VWA5A: variants seen among roughly 807,000 people sequenced by gnomAD.
VWA5A encodes the protein von Willebrand factor A domain-containing protein 5A.
In VWA5A, 77 loss-of-function variants were observed where a neutral mutation model predicts 84.6. The observed-to-expected ratio is 0.91, with a 90% confidence interval of 0.76 to 1.10. The LOEUF is 1.10. Ranked by LOEUF, VWA5A falls within the 50% of genes least tolerant of loss-of-function variation. The probability of loss-of-function intolerance (pLI) is 0.00; values close to 1 mark genes in which losing one functional copy is unlikely to be tolerated. For synonymous variants in VWA5A, 334 were observed against 350.1 expected (o/e 0.95, Z 0.51); for missense variants, 973 against 963.0 (o/e 1.01, Z -0.14).
In VWA5A at chr11:124,136,129, G is replaced by A. The variant is rs761565988; in HGVS notation, c.1360G>A (p.Ala454Thr). ...ITGKDRMQSK[A>T]LRTLKRSLQP... ...TATTCTGTTCTCTTCCCCACATTAG[G>A]CTCTCAGGACTCTGAAACGCTCTCT... The change falls in exon 13 of 19, where the codon GCT becomes ACT. Residue 454 changes from alanine to threonine, a missense_variant and splice_region_variant. Coordinates refer to ENST00000456829, the MANE Select transcript of VWA5A (RefSeq NM_001130142.2). The A allele has an allele frequency of 6.2e-7, 1 of 1,613,552 alleles. No homozygotes were observed. Among genetic ancestry groups the A allele is most frequent in the Non-Finnish European group, 8.5e-7 (1 of 1,179,682 alleles).
chr11:124,136,130 C>T lies in VWA5A; in HGVS notation c.1361C>T (p.Ala454Val), dbSNP rs1319391336. Residue 454 changes from alanine to valine, a missense_variant and splice_region_variant, in exon 13 of 19, where the codon GCT becomes GTT. Transcript: ENST00000456829. ...ATTCTGTTCTCTTCCCCACATTAGGCTCTCAGGACTCTGAAACGCTCTCTG... is the reference window on the plus strand; with the variant it reads ...ATTCTGTTCTCTTCCCCACATTAGGTTCTCAGGACTCTGAAACGCTCTCTG... ...ITGKDRMQSKALRTLKRSLQP... is the reference protein window; with the variant it reads ...ITGKDRMQSKVLRTLKRSLQP... The T allele has an allele frequency of 6.2e-7, 1 of 1,613,676 alleles. No individual in the cohort carries two copies. The highest frequency in any genetic ancestry group is 8.5e-7 in the Non-Finnish European group (1 of 1,179,726).
intron 11 of VWA5A, among the ~76,000 whole-genome samples, chr11:124,134,642 C>T (rs1411477245): frequency 6.6e-6 from 1 of 152,146 alleles, no homozygotes; most frequent in Non-Finnish European, 1.5e-5. Flanking sequence ...GTTGCATGAT[C>T]TTGGAAAGAT....
intron 15 of VWA5A, among the ~76,000 whole-genome samples, chr11:124,139,623 A>T (rs1591365986): frequency 6.6e-6 from 1 of 150,412 alleles, no homozygotes; most frequent in East Asian, 1.9e-4. Context: ...AACACTAATG[A>T]CTTTTGTATG....
rs1445542712 is a variant in VWA5A, at chr11:124,118,532, G to T, written c.470-1G>T. 6.2e-7 allele frequency: 1 copy of T among 1,613,920 alleles called. No individual in the cohort carries two copies. On this transcript the variant is annotated splice_acceptor_variant, in intron 5 of 18. Transcript: ENST00000456829. LOFTEE classifies it high-confidence loss of function. ...AACAGAACTAAGGTCATCTTTTATA[G>T]GGTCGTCTAAGGACAGTTGCCTTAA...
At chr11:124,118,035 T>C in intron 4 of VWA5A, 154 bp from the exon 5 acceptor site, 1 of 1,291,556 alleles carries the variant, frequency 7.7e-7, no homozygotes, top group African/African-American at 1.5e-5. Context: ...TTTTCTAAAA[T>C]CATTTGGGGA....
At chr11:124,143,889 A>T (rs1477707735) in intron 17 of VWA5A, among the ~76,000 whole-genome samples, 2 of 152,082 alleles carry the variant, frequency 1.3e-5, no homozygotes, top group Non-Finnish European at 2.9e-5. Flanking sequence ...CAGACCTGGT[A>T]TATCTGAATT....
chr11:124,124,644 G>A (rs1864989584), intron 11 of VWA5A: 1 of 881,540 alleles, frequency 1.1e-6, no homozygotes, highest in Non-Finnish European at 1.4e-6. Context: ...GCATACAACT[G>A]GACTCATTAT....
At chr11:124,139,687 T>G (rs926619527) in intron 15 of VWA5A, among the ~76,000 whole-genome samples, 3 of 104,128 alleles carry the variant, frequency 2.9e-5, no homozygotes, top group South Asian at 3.1e-4. Flanking sequence ...TTAACAGGTG[T>G]TTTTTTTTTG....
At chr11:124,118,943 T>C in intron 6 of VWA5A, 32 bp from the exon 7 acceptor site, 1 of 1,604,406 alleles carries the variant, frequency 6.2e-7, no homozygotes, top group Non-Finnish European at 8.5e-7. Context: ...GTTATGATTC[T>C]AATGTGGCTC....
At chr11:124,139,087 G>A (rs965553986) in intron 15 of VWA5A, among the ~76,000 whole-genome samples, 2 of 152,162 alleles carry the variant, frequency 1.3e-5, no homozygotes, top group Admixed American at 6.5e-5. Flanking sequence ...GGCTGTAAAT[G>A]TGTGGATTTA....
At chr11:124,118,111 T>G in intron 4 of VWA5A, 78 bp from the exon 5 acceptor site, 1 of 1,479,084 alleles carries the variant, frequency 6.8e-7, no homozygotes, top group African/African-American at 1.4e-5. Flanking sequence ...ACAGTCGCTC[T>G]GCACTGCTCG....
intron 18 of VWA5A, 113 bp downstream of exon 18, chr11:124,145,476 TA>T: frequency 7.3e-7 from 1 of 1,377,554 alleles, no homozygotes. Flanking sequence ...AGATCTTTAC[TA>T]ATCTTTCTGC....
rs776243671 is a variant in VWA5A, at chr11:124,118,612, C to G, written c.549C>G (p.Val183=). 1 of 1,614,164 alleles carries G rather than the reference C, an allele frequency of 6.2e-7. No individual in the cohort carries two copies. Among genetic ancestry groups the G allele is most frequent in the Middle Eastern group, 1.6e-4 (1 of 6,062 alleles). The change falls in exon 6 of 19, where the codon GTC becomes GTG. Residue 183 remains valine, a synonymous_variant. Coordinates refer to ENST00000456829, the MANE Select transcript of VWA5A (RefSeq NM_001130142.2). ...ACCTGCCCTACACACTCAGCATGGT[C>G]GCCACCATAGATTCCCAGCATGGCA... ...VEDLPYTLSM[V]ATIDSQHGIE...
chr11:124,135,518 A>ATTTT (rs1865162261), intron 12 of VWA5A, among the ~76,000 whole-genome samples: 14 of 98,078 alleles, frequency 1.4e-4, no homozygotes, highest in South Asian at 3.2e-4. Flanking sequence ...CTCTGGTGGT[A>ATTTT]TTTCTTTTTT....
rs1039991374 is a variant in VWA5A at position 124,146,068 on chromosome 11, G to C, written c.*123G>C. 4 of 1,008,272 alleles carry C rather than the reference G, an allele frequency of 4.0e-6. No individual in the cohort carries two copies. Among genetic ancestry groups the C allele is most frequent in the Non-Finnish European group, 5.7e-6 (4 of 699,198 alleles). The allele number at this position is 1,008,272 out of a possible 1,614,324, so 62.5% of individuals were successfully genotyped here. On this transcript the variant is annotated 3_prime_UTR_variant, in exon 19 of 19. Transcript: ENST00000456829. Reference sequence around the variant, plus strand: ...TTTATTTTTTGCCATAAAAGTAAAGGATGCTTACTCCACTTCGCTTCTCTG... The same window carrying C: ...TTTATTTTTTGCCATAAAAGTAAAGCATGCTTACTCCACTTCGCTTCTCTG...
intron 12 of VWA5A, among the ~76,000 whole-genome samples, chr11:124,135,757 C>T (rs1464577803): frequency 6.6e-6 from 1 of 151,466 alleles, no homozygotes; most frequent in Non-Finnish European, 1.5e-5. Flanking sequence ...GTCTCGATCT[C>T]CTGACCTCGT....
intron 1 of VWA5A, chr11:124,116,277 C>T (rs1864828457): frequency 6.6e-6 from 1 of 152,320 alleles, no homozygotes; most frequent in Non-Finnish European, 1.5e-5. Context: ...TCCTGAGAGA[C>T]AGAACTAATT....
chr11:124,145,433 T>A (rs1395966780), intron 18 of VWA5A, 70 bp downstream of exon 18: 10 of 1,499,760 alleles, frequency 6.7e-6, no homozygotes, highest in Non-Finnish European at 8.9e-6. Flanking sequence ...CACAAGAGAG[T>A]CCCATTGTCA....
intron 14 of VWA5A, 76 bp downstream of exon 14, chr11:124,136,750 T>TTCCCTCCCTCCCTCCC (rs762958600): frequency 1.6e-5 from 13 of 812,140 alleles, no homozygotes; most frequent in African/African-American, 6.7e-5. Context: ...CCTTCCTTCA[T>TTCCCTCCCTCCCTCCC]TCCCTCCCTC....
Sources: gnomAD v4.1 joint callset for allele counts (sites outside exome capture counted in the v4.1 genomes callset) on GRCh38, gnomAD v4.1.1 for gene constraint, MANE v1.5 for transcripts, NCBI Gene and HGNC (gene_info 2026-07-23, HGNC 2026-07-21) for gene names.